Variants in HOMER2 observed in about 807,000 individuals in gnomAD.
HOMER2 encodes homer protein homolog 2.
HOMER2 carries 27 observed loss-of-function variants against 47.0 expected under a neutral mutation model. The observed-to-expected ratio is 0.57, with a 90% CI of 0.42 to 0.79. HOMER2 has a LOEUF of 0.79. Ranked by LOEUF, HOMER2 falls within the 30% of genes least tolerant of loss-of-function variation. HOMER2 has a pLI of 0.00. For synonymous variants in HOMER2, 161 were observed against 163.8 expected (o/e 0.98, Z 0.13); for missense variants, 443 against 435.0 (o/e 1.02, Z -0.16).
intron 3 of HOMER2, among the ~76,000 whole-genome samples, chr15:82,865,484 A>G (rs1034900172): frequency 1.3e-5 from 2 of 152,224 alleles, no homozygotes; most frequent in East Asian, 3.8e-4. Flanking sequence ...AGGAAAAAAA[A>G]ATCATGTAAA....
rs1288564150 is a variant in HOMER2 at position 82,944,755 on chromosome 15, A to T, written c.5+7776T>A. 4.0e-5 allele frequency among the ~76,000 whole-genome samples: 6 copies of T among 151,394 alleles called. No homozygotes were observed. The East Asian group carries it at 5.8e-4, about 15-fold the overall frequency. ...TTTGCCCACGGTTTTTTTTTTTTAAATTTTTAATTTCCCTTCATACTAAAA... is the reference window on the plus strand; with the variant it reads ...TTTGCCCACGGTTTTTTTTTTTTAATTTTTTAATTTCCCTTCATACTAAAA... On this transcript the variant is annotated intron_variant, in intron 1 of 8. Transcript: ENST00000450735.
chr15:82,852,081 T>G, intron 7 of HOMER2, 61 bp downstream of exon 7: 2 of 1,144,716 alleles, frequency 1.7e-6, no homozygotes, highest in Non-Finnish European at 2.6e-6. Flanking sequence ...ACACCTGCTG[T>G]GTGCCACCCC....
intron 7 of HOMER2, 62 bp from the exon 8 acceptor site, chr15:82,851,293 A>G (rs2051386276): frequency 2.5e-6 from 3 of 1,185,644 alleles, no homozygotes; most frequent in Non-Finnish European, 1.2e-6. Context: ...ATTCTTGAAA[A>G]TCACCAATGT....
rs764617126 is a variant in HOMER2 at position 82,854,757 on chromosome 15, G to A, written c.538C>T (p.Arg180Trp). ...KKWEIELQTL[R>W]ESNARLTTAL... ...GTGGTCAGCCGTGCATTGCTCTCCC[G>A]AAGGGTCTGCAGCTCGATCTCCCAC... The change falls in exon 6 of 9, where the codon CGG becomes TGG. Residue 180 changes from arginine to tryptophan, a missense_variant. Coordinates refer to ENST00000450735, the MANE Select transcript of HOMER2 (RefSeq NM_004839.4). The A allele has an allele frequency of 6.8e-6, 11 of 1,611,778 alleles. No individual in the cohort carries two copies. Among genetic ancestry groups the A allele is most frequent in the Non-Finnish European group, 8.5e-6 (10 of 1,179,776 alleles).
At chr15:82,864,352 G>A in intron 3 of HOMER2, 93 bp from the exon 4 acceptor site, 1 of 752,982 alleles carries the variant, frequency 1.3e-6, no homozygotes, top group Non-Finnish European at 2.2e-6. Flanking sequence ...TCCATTTTAG[G>A]CCCATACATT....
chr15:82,916,437 T>C (rs1433841191), intron 1 of HOMER2, among the ~76,000 whole-genome samples: 2 of 152,190 alleles, frequency 1.3e-5, no homozygotes, highest in East Asian at 3.9e-4. Flanking sequence ...TGGGATGAGG[T>C]ACAAAACAGT....
rs757073475 is a variant in HOMER2 at position 82,882,881 on chromosome 15, C to CTT, written c.163-7479_163-7478dup. On this transcript the variant is annotated intron_variant, in intron 2 of 8. Transcript: ENST00000450735. ...TGAGTCCATTCTACACCAGCCACTG[C>CTT]TTTTTTTTTTTTTTTTTTTTTTTTT... Among the ~76,000 whole-genome samples, 116 of 27,044 alleles carry CTT rather than the reference C, an allele frequency of 4.3e-3. 11 individuals carry two copies. Among genetic ancestry groups the CTT allele is most frequent in the South Asian group, 9.7e-3 (6 of 618 alleles). 17.7% of individuals were successfully genotyped at this position (27,044 alleles called of 152,430 possible).
chr15:82,898,722 A>G (rs2053017388), intron 1 of HOMER2, among the ~76,000 whole-genome samples: 2 of 152,242 alleles, frequency 1.3e-5, no homozygotes, highest in African/African-American at 2.4e-5. Context: ...TTCTGGCTCC[A>G]TGTGAAATAA....
exon 2 of HOMER2, chr15:82,838,206 G>C (rs891342438): frequency 6.5e-6 from 1 of 153,118 alleles, no homozygotes; most frequent in Non-Finnish European, 1.5e-5. Flanking sequence ...TACGGGAACA[G>C]GGTAGGCATG....
intron 1 of HOMER2, among the ~76,000 whole-genome samples, chr15:82,939,971 A>G (rs2054226370): frequency 6.6e-6 from 1 of 152,244 alleles, no homozygotes; most frequent in South Asian, 2.1e-4. Context: ...GCAAGGACAG[A>G]AAACCAAACA....
chr15:82,951,982 T>C, intron 1 of HOMER2: 8 of 864,150 alleles, frequency 9.3e-6, no homozygotes, highest in Non-Finnish European at 1.1e-5. Context: ...GAGCATCTAC[T>C]CAGTTGTTTC....
At chr15:82,856,068 A>C (rs1057481618) in intron 5 of HOMER2, among the ~76,000 whole-genome samples, 8 of 152,168 alleles carry the variant, frequency 5.3e-5, no homozygotes, top group Non-Finnish European at 1.2e-4. Flanking sequence ...TTTATCCCAC[A>C]ACCTCAAGGA....
chr15:82,954,925 C>T (rs541879191), upstream of HOMER2, among the ~76,000 whole-genome samples: 152 of 151,818 alleles, frequency 1.0e-3, no homozygotes, highest in Non-Finnish European at 1.7e-3. Context: ...ACTACAGGCG[C>T]GCACCACCAC....
downstream of HOMER2, chr15:82,845,850 G>T (rs1397324105): frequency 1.3e-5 from 2 of 152,218 alleles, no homozygotes; most frequent in Non-Finnish European, 2.9e-5. Flanking sequence ...CTTTTCTAAA[G>T]AAAAAGAGCC....
chr15:82,855,343 A>G (rs964042687), intron 5 of HOMER2, among the ~76,000 whole-genome samples: 1 of 150,622 alleles, frequency 6.6e-6, no homozygotes, highest in Non-Finnish European at 1.5e-5. Context: ...AAAAAAAAAA[A>G]AAAAAAGAAA....
chr15:82,893,600 G>A (rs1647993361), intron 1 of HOMER2, among the ~76,000 whole-genome samples: 1 of 150,162 alleles, frequency 6.7e-6, no homozygotes, highest in African/African-American at 2.5e-5. Flanking sequence ...CAAAGTGCTA[G>A]GATTATAGGC....
intron 1 of HOMER2, chr15:82,898,395 T>C (rs895732268): frequency 6.6e-6 from 1 of 152,240 alleles, no homozygotes; most frequent in Admixed American, 6.5e-5. Flanking sequence ...ATTACCTTCA[T>C]ATCCAAATTT....
At chr15:82,867,267 A>G (rs995954494) in intron 3 of HOMER2, among the ~76,000 whole-genome samples, 4 of 151,468 alleles carry the variant, frequency 2.6e-5, no homozygotes, top group Non-Finnish European at 5.9e-5. Flanking sequence ...TCTGCTTGAG[A>G]GGTGGGTGGA....
intron 1 of HOMER2, among the ~76,000 whole-genome samples, chr15:82,950,779 C>T (rs2054489180): frequency 6.6e-6 from 1 of 152,180 alleles, no homozygotes; most frequent in African/African-American, 2.4e-5. Flanking sequence ...AGCGTCTCCT[C>T]CCTGCTTCTC....
Sources: allele counts gnomAD v4.1 joint callset (sites outside exome capture counted in the v4.1 genomes callset), GRCh38; gene constraint gnomAD v4.1.1; transcripts MANE v1.5; gene names NCBI Gene and HGNC (gene_info 2026-07-23, HGNC 2026-07-21).